The following CAMK2D variants were observed in gnomAD, a reference collection of about 807,000 sequenced individuals.
CAMK2D encodes calcium/calmodulin-dependent protein kinase type II subunit delta.
A neutral mutation model predicts 84.0 loss-of-function variants in CAMK2D; 37 were observed. The ratio of observed to expected loss-of-function variants is 0.44; its 90% CI spans 0.34 to 0.58. The LOEUF (loss-of-function observed/expected upper bound fraction) is 0.58. Among genes scored for constraint, CAMK2D ranks in the 20% least tolerant of loss-of-function variants. The probability of loss-of-function intolerance (pLI) is 0.02; values close to 1 mark genes in which losing one functional copy is unlikely to be tolerated. For synonymous variants in CAMK2D, 202 were observed against 212.5 expected (o/e 0.95, Z 0.43); for missense variants, 448 against 652.5 (o/e 0.69, Z 3.41).
intron 4 of CAMK2D, among the ~76,000 whole-genome samples, chr4:113,606,903 G>C (rs1022690106): frequency 2.0e-5 from 3 of 152,064 alleles, no homozygotes; most frequent in African/African-American, 7.2e-5. Flanking sequence ...AGCAGCCAGA[G>C]AGAACTAATA....
chr4:113,747,480 A>G (rs1026454305), intron 2 of CAMK2D, among the ~76,000 whole-genome samples: 2 of 152,068 alleles, frequency 1.3e-5, no homozygotes. Context: ...TCTTGACAAT[A>G]GGCATTCAAG....
At chr4:113,718,661 C>T (rs921380899) in intron 2 of CAMK2D, among the ~76,000 whole-genome samples, 3 of 152,174 alleles carry the variant, frequency 2.0e-5, no homozygotes, top group African/African-American at 7.2e-5. Context: ...TGGGAAAGGG[C>T]TGTTTTCATC....
At chr4:113,512,469 T>C (rs1311678824) in intron 12 of CAMK2D, among the ~76,000 whole-genome samples, 1 of 152,252 alleles carries the variant, frequency 6.6e-6, no homozygotes, top group Non-Finnish European at 1.5e-5. Flanking sequence ...ATTCTTGAGT[T>C]AGATACCTTT....
intron 2 of CAMK2D, among the ~76,000 whole-genome samples, chr4:113,693,976 G>C (rs1204581325): frequency 6.6e-6 from 1 of 152,074 alleles, no homozygotes; most frequent in African/African-American, 2.4e-5. Context: ...ATTCATGCTA[G>C]AGTAGCATTA....
chr4:113,497,227 A>T (rs1044728795), intron 16 of CAMK2D, among the ~76,000 whole-genome samples: 1 of 152,084 alleles, frequency 6.6e-6, no homozygotes. Context: ...AACAAGATTC[A>T]TATAAAGGGT....
chr4:113,581,130 C>T (rs373952809), intron 4 of CAMK2D, among the ~76,000 whole-genome samples: 1 of 152,002 alleles, frequency 6.6e-6, no homozygotes, highest in African/African-American at 2.4e-5. Flanking sequence ...TTCTCACAAA[C>T]AGAATAATTT....
intron 2 of CAMK2D, among the ~76,000 whole-genome samples, chr4:113,738,208 A>G (rs1231602194): frequency 3.7e-5 from 5 of 134,358 alleles, no homozygotes; most frequent in Non-Finnish European, 7.8e-5. Context: ...ATGTTCTTTG[A>G]AAAAAAAAAA....
chr4:113,565,876 A>G (rs1640215955), intron 4 of CAMK2D, among the ~76,000 whole-genome samples: 1 of 152,270 alleles, frequency 6.6e-6, no homozygotes, highest in African/African-American at 2.4e-5. Context: ...TTCCTACAGA[A>G]TAGAAAAAAA....
intron 18 of CAMK2D, among the ~76,000 whole-genome samples, chr4:113,458,683 T>C (rs752270135): frequency 1.5e-4 from 23 of 152,210 alleles, no homozygotes; most frequent in Non-Finnish European, 3.1e-4. Context: ...TATCAAATAG[T>C]TCTTTTTGTT....
chr4:113,671,475 T>A (rs1391841382), intron 2 of CAMK2D, among the ~76,000 whole-genome samples: 1 of 152,224 alleles, frequency 6.6e-6, no homozygotes, highest in East Asian at 1.9e-4. Flanking sequence ...AAACATGATA[T>A]CTTAACAGTA....
At chr4:113,548,216 AT>A in intron 5 of CAMK2D, among the ~76,000 whole-genome samples, 1 of 152,264 alleles carries the variant, frequency 6.6e-6, no homozygotes, top group Non-Finnish European at 1.5e-5. Context: ...CTGGCAATTA[AT>A]ATCTCTTGCC....
intron 16 of CAMK2D, among the ~76,000 whole-genome samples, chr4:113,476,949 C>T (rs2097633791): frequency 2.0e-5 from 3 of 152,100 alleles, no homozygotes; most frequent in African/African-American, 7.2e-5. Flanking sequence ...ATTTCATTCC[C>T]AACCAATCAG....
At chr4:113,759,165 C>T in intron 2 of CAMK2D, 155 bp downstream of exon 2, 2 of 445,954 alleles carry the variant, frequency 4.5e-6, no homozygotes, top group South Asian at 5.8e-5. Flanking sequence ...CTGTACAGAC[C>T]AAGAAGCATT....
rs774184608 is a variant in CAMK2D at position 113,547,656 on chromosome 4, A to G, written c.402T>C (p.His134=). ...CCGCATTACTCACCTTCAGGTCCCGATGGACCACGCCCATCTGATGGCAGT... is the reference window on the plus strand; with the variant it reads ...CCGCATTACTCACCTTCAGGTCCCGGTGGACCACGCCCATCTGATGGCAGT... ...VLHCHQMGVV[H]RDLKPENLLL... Residue 134 remains histidine (H), a synonymous_variant, in exon 6 of 21, where the codon CAT becomes CAC. Transcript: ENST00000511664. 3.2e-6 allele frequency: 5 copies of G among 1,565,716 alleles called. No individual in the cohort carries two copies. Among genetic ancestry groups the G allele is most frequent in the African/African-American group, 2.7e-5 (2 of 74,336 alleles).
chr4:113,564,021 A>G (rs2098711034), intron 4 of CAMK2D, among the ~76,000 whole-genome samples: 2 of 152,226 alleles, frequency 1.3e-5, no homozygotes, highest in African/African-American at 4.8e-5. Flanking sequence ...CTTGATGGAG[A>G]TAACTAGTTT....
intron 7 of CAMK2D, among the ~76,000 whole-genome samples, chr4:113,534,090 A>T (rs781661092): frequency 1.3e-5 from 2 of 152,152 alleles, no homozygotes; most frequent in African/African-American, 2.4e-5. Context: ...CAAAATTAAA[A>T]TAACAAAGCT....
intron 6 of CAMK2D, among the ~76,000 whole-genome samples, chr4:113,543,388 T>G (rs2098544429): frequency 6.6e-6 from 1 of 151,798 alleles, no homozygotes; most frequent in African/African-American, 2.4e-5. Context: ...TATTGATTTT[T>G]TTTTTTTTTT....
At chr4:113,488,220 A>C (rs2097785089) in intron 16 of CAMK2D, among the ~76,000 whole-genome samples, 2 of 152,162 alleles carry the variant, frequency 1.3e-5, no homozygotes, top group Admixed American at 1.3e-4. Flanking sequence ...AAAATGAGAA[A>C]GTTTTATAAT....
At chr4:113,645,960 C>T (rs985801725) in intron 3 of CAMK2D, among the ~76,000 whole-genome samples, 3 of 152,110 alleles carry the variant, frequency 2.0e-5, no homozygotes, top group Middle Eastern at 3.2e-3. Flanking sequence ...TTTCAGAATA[C>T]GATAAGGAGA....
Sources: allele counts gnomAD v4.1 joint callset (sites outside exome capture counted in the v4.1 genomes callset), GRCh38; gene constraint gnomAD v4.1.1; transcripts MANE v1.5; gene names NCBI Gene and HGNC (gene_info 2026-07-23, HGNC 2026-07-21).